DPYSL2: variants seen among roughly 807,000 people sequenced by gnomAD.
DPYSL2 encodes dihydropyrimidinase-related protein 2.
Under a neutral mutation model 69.9 loss-of-function variants are expected in DPYSL2, and 13 were observed. That is an observed-to-expected ratio of 0.19 (90% CI 0.12 to 0.30). The LOEUF is 0.30. Among genes scored for constraint, DPYSL2 ranks in the 10% least tolerant of loss-of-function variants. The pLI, the probability that DPYSL2 is intolerant of heterozygous loss-of-function variation, is 1.00. For synonymous variants in DPYSL2, 326 were observed against 359.1 expected (o/e 0.91, Z 1.04); for missense variants, 587 against 918.9 (o/e 0.64, Z 4.67).
intron 3 of DPYSL2, among the ~76,000 whole-genome samples, chr8:26,612,495 A>G (rs1585545833): frequency 6.6e-6 from 1 of 152,252 alleles, no homozygotes; most frequent in Non-Finnish European, 1.5e-5. Flanking sequence ...AATGGCTCCC[A>G]TTAAAAATTG....
At position 26,656,343 on chromosome 8, in the gene DPYSL2, A is replaced by G. The variant is rs563677297; in HGVS notation, c.*637A>G. On this transcript the variant is annotated 3_prime_UTR_variant, in exon 14 of 14. Transcript: ENST00000521913. The stretch of plus-strand genomic sequence containing the variant: ...GAGAGGCTCCACAATGCCCACCCGC[A>G]TCGCCATTCTGTAGTCTTCAGGGTC... The G allele has an allele frequency of 1.4e-4, 22 of 152,646 alleles. No individual in the cohort carries two copies. Among genetic ancestry groups the G allele is most frequent in the Admixed American group, 1.3e-3 (20 of 15,290 alleles). 9.5% of individuals were successfully genotyped at this position (152,646 alleles called of 1,614,324 possible).
intron 1 of DPYSL2, among the ~76,000 whole-genome samples, chr8:26,576,489 C>G (rs924900944): frequency 6.6e-6 from 1 of 152,108 alleles, no homozygotes; most frequent in Admixed American, 6.5e-5. Flanking sequence ...CCAGGGCAAC[C>G]TCCCACGGGG....
intron 3 of DPYSL2, among the ~76,000 whole-genome samples, chr8:26,584,768 C>T (rs1801563265): frequency 6.6e-6 from 1 of 152,018 alleles, no homozygotes; most frequent in Admixed American, 6.6e-5. Context: ...TACAGGCATG[C>T]ACCCCCACGC....
In DPYSL2 at chr8:26,599,052, G is replaced by A. The variant is rs572195078; in HGVS notation, c.628+15069G>A. Among the ~76,000 whole-genome samples, 274 of 152,348 alleles carry A rather than the reference G, an allele frequency of 1.8e-3. 2 individuals are homozygous for A. Among genetic ancestry groups the A allele is most frequent in the African/African-American group, 6.4e-3 (265 of 41,578 alleles). ...TGGAGAAGGCCTGTTGTCCATCTTA[G>A]TCCTGAAATATGAGTTTTCATTCCA... On this transcript the variant is annotated intron_variant, in intron 3 of 13. Coordinates refer to ENST00000521913, the MANE Select transcript of DPYSL2 (RefSeq NM_001197293.3).
Position 26,605,888 on chromosome 8 carries a change from A to T in DPYSL2, c.629-18255A>T, listed in dbSNP as rs907084927. On this transcript the variant is annotated intron_variant, in intron 3 of 13. Transcript: ENST00000521913. This position sits in a 1 kb window ranked among gnomAD's most constrained non-coding sequence, Gnocchi z 4.1. Reference sequence around the variant, plus strand: ...AGTGTATACTTTAGATTAATTTTAAAATTGAAAACCTCAAAAGGTGGTTGA... The same window carrying T: ...AGTGTATACTTTAGATTAATTTTAATATTGAAAACCTCAAAAGGTGGTTGA... Among the ~76,000 whole-genome samples, 4 of 152,204 alleles carry T rather than the reference A, an allele frequency of 2.6e-5. No individual in the cohort carries two copies. The East Asian group carries it at 7.7e-4, about 29-fold the overall frequency.
chr8:26,543,974 G>A (rs1780770514), intron 1 of DPYSL2, among the ~76,000 whole-genome samples: 1 of 152,168 alleles, frequency 6.6e-6, no homozygotes, highest in African/African-American at 2.4e-5. Context: ...GAACATTCTA[G>A]CCTAGAACCT....
Position 26,582,076 on chromosome 8 carries a change from A to G in DPYSL2, c.443+19A>G, listed in dbSNP as rs576057697. ...TGATCAAGTAAGTGTAACTCATGATATACAGATGTATTTGAACACTTTCCA... is the reference window on the plus strand; with the variant it reads ...TGATCAAGTAAGTGTAACTCATGATGTACAGATGTATTTGAACACTTTCCA... On this transcript the variant is annotated intron_variant, in intron 2 of 13. Coordinates refer to ENST00000521913, the MANE Select transcript of DPYSL2 (RefSeq NM_001197293.3). The surrounding 1 kb of genome is among the most constrained non-coding windows in gnomAD (Gnocchi z 4.1). 12 of 1,587,868 alleles carry G rather than the reference A, an allele frequency of 7.6e-6. No homozygotes were observed. The highest frequency in any genetic ancestry group is 3.3e-4 in the Middle Eastern group (2 of 6,020).
At chr8:26,535,592 G>T (rs1430674973) in intron 1 of DPYSL2, among the ~76,000 whole-genome samples, 1 of 151,282 alleles carries the variant, frequency 6.6e-6, no homozygotes, top group Non-Finnish European at 1.5e-5. Context: ...TGCTATGTTT[G>T]GGCCCGTTTA....
chr8:26,649,949 T>C (rs1303593374), intron 11 of DPYSL2, among the ~76,000 whole-genome samples: 1 of 152,104 alleles, frequency 6.6e-6, no homozygotes, highest in Non-Finnish European at 1.5e-5. Context: ...CTTTTAAAAA[T>C]GATAGATGGC....
In DPYSL2 at chr8:26,564,368, A is replaced by G. The variant is rs1801117646; in HGVS notation, c.355-17601A>G. Among the ~76,000 whole-genome samples, 2 of 152,070 alleles carry G rather than the reference A, an allele frequency of 1.3e-5. 1 individual carries two copies. The highest frequency in any genetic ancestry group is 4.8e-5 in the African/African-American group (2 of 41,388). On this transcript the variant is annotated intron_variant, in intron 1 of 13. Transcript: ENST00000521913. The surrounding 1 kb of genome is among the most constrained non-coding windows in gnomAD (Gnocchi z 4.8). ...TGGTGAGGAGCACAGGGCCAGGGAG[A>G]TGGGAACGGCTGGAGGAGTTTTCCA...
Position 26,517,249 on chromosome 8 carries a change from C to T in DPYSL2, c.354+2570C>T, listed in dbSNP as rs1808306023. On this transcript the variant is annotated intron_variant, in intron 1 of 13. Coordinates refer to ENST00000521913, the MANE Select transcript of DPYSL2 (RefSeq NM_001197293.3). The surrounding 1 kb of genome is among the most constrained non-coding windows in gnomAD (Gnocchi z 4.2). Reference sequence around the variant, plus strand: ...AAGGGAGAGAATAGGCTTCCTTGACCCACATGCCACATGGCTCATGGAAGA... The same window carrying T: ...AAGGGAGAGAATAGGCTTCCTTGACTCACATGCCACATGGCTCATGGAAGA... 6.6e-6 allele frequency among the ~76,000 whole-genome samples: 1 copy of T among 152,160 alleles called. No homozygotes were observed. Among genetic ancestry groups the T allele is most frequent in the African/African-American group, 2.4e-5 (1 of 41,428 alleles).
At chr8:26,563,269 T>A (rs2093678017) in intron 1 of DPYSL2, among the ~76,000 whole-genome samples, 1 of 152,196 alleles carries the variant, frequency 6.6e-6, no homozygotes, top group Non-Finnish European at 1.5e-5. Context: ...ACATTCCACC[T>A]CATCCTAATC....
chr8:26,631,797 GA>G (rs1802781622), intron 7 of DPYSL2, among the ~76,000 whole-genome samples: 1 of 152,118 alleles, frequency 6.6e-6, no homozygotes, highest in African/African-American at 2.4e-5. Context: ...GAAAGGCTTG[GA>G]TAGTGGCAGA....
At chr8:26,568,486 G>A (rs1353151176) in intron 1 of DPYSL2, among the ~76,000 whole-genome samples, 1 of 152,170 alleles carries the variant, frequency 6.6e-6, no homozygotes, top group Non-Finnish European at 1.5e-5. Context: ...AGTAAGGAGG[G>A]CAGAAAGAGG....
rs527985895 is a variant in DPYSL2, at chr8:26,652,018, A to G, written c.1597-239A>G. Among the ~76,000 whole-genome samples, 5 of 152,312 alleles carry G rather than the reference A, an allele frequency of 3.3e-5. 1 individual carries two copies. In the South Asian group the frequency reaches 8.3e-4, roughly 25 times the overall value. On this transcript the variant is annotated intron_variant, in intron 11 of 13. Transcript: ENST00000521913. This position sits in a 1 kb window ranked among gnomAD's most constrained non-coding sequence, Gnocchi z 6.3. ...TTACAAACATGCACCCTTTTCACAC[A>G]ATTATTCTGTTTAATTATTTTTCTT...
At chr8:26,541,528 G>C (rs534263888) in intron 1 of DPYSL2, among the ~76,000 whole-genome samples, 1 of 152,242 alleles carries the variant, frequency 6.6e-6, no homozygotes, top group East Asian at 1.9e-4. Flanking sequence ...CACAGGGAAA[G>C]GTAAATATAT....
intron 1 of DPYSL2, among the ~76,000 whole-genome samples, chr8:26,527,803 C>CATTTTTTTTTTTT (rs1563375173): frequency 1.0e-5 from 1 of 96,670 alleles, no homozygotes; most frequent in African/African-American, 2.9e-5. Context: ...ATTTGTTTAT[C>CATTTTTTTTTTTT]CTTTTTTTTT....
At position 26,634,428 on chromosome 8, in the gene DPYSL2, CTTT is replaced by C. The variant is rs55746168; in HGVS notation, c.1006-333_1006-331del. ...TACAGTCACCTGCTGCCATGCCCAG[CTTT>C]TTTTTTTTTTTTTTTTTTAATTGTA... On this transcript the variant is annotated intron_variant, in intron 7 of 13. Coordinates refer to ENST00000521913, the MANE Select transcript of DPYSL2 (RefSeq NM_001197293.3). Among the ~76,000 whole-genome samples the C allele has an allele frequency of 8.3e-3, 759 of 91,154 alleles. 5 individuals are homozygous for C. Among genetic ancestry groups the C allele is most frequent in the Non-Finnish European group, 0.013 (599 of 47,336 alleles). The allele number at this position is 91,154 out of a possible 152,430, so 59.8% of individuals were successfully genotyped here.
chr8:26,639,690 A>G (rs1179102348), intron 8 of DPYSL2, among the ~76,000 whole-genome samples: 1 of 152,176 alleles, frequency 6.6e-6, no homozygotes, highest in Non-Finnish European at 1.5e-5. Flanking sequence ...TGTTAATTTT[A>G]CAAAAATGTT....
Sources: allele counts gnomAD v4.1 joint callset (sites outside exome capture counted in the v4.1 genomes callset), GRCh38; gene constraint gnomAD v4.1.1; non-coding constraint Gnocchi (gnomAD v3.1); transcripts MANE v1.5; gene names NCBI Gene and HGNC (gene_info 2026-07-23, HGNC 2026-07-21).